SLC35D4: variants seen among roughly 807,000 people sequenced by gnomAD.
SLC35D4 encodes UDP-N-acetylglucosamine transporter SLC35D4.
chr18:23,403,890 C>T, the SLC35D4 span, among the ~76,000 whole-genome samples: 5 of 152,234 alleles, frequency 3.3e-5, no homozygotes, highest in South Asian at 4.1e-4. Context: ...ATATACAAGG[C>T]GGGCAGATCA....
chr18:23,335,785 C>T, the SLC35D4 span, among the ~76,000 whole-genome samples: 1 of 152,094 alleles, frequency 6.6e-6, no homozygotes, highest in Non-Finnish European at 1.5e-5. Flanking sequence ...TAGAGGAGGC[C>T]GTGCAAATAT....
chr18:23,331,749 A>G, the SLC35D4 span, among the ~76,000 whole-genome samples: 44 of 152,096 alleles, frequency 2.9e-4, no homozygotes, highest in African/African-American at 9.6e-4. Flanking sequence ...ACTCATCCCG[A>G]ATCCCCTCTG....
the SLC35D4 span, among the ~76,000 whole-genome samples, chr18:23,358,954 C>A: frequency 3.1e-4 from 47 of 152,146 alleles, no homozygotes; most frequent in Non-Finnish European, 1.0e-4. Flanking sequence ...GCTATAAATA[C>A]CCCCGGAAGA....
At chr18:23,408,588 A>G in the SLC35D4 span, among the ~76,000 whole-genome samples, 1 of 152,226 alleles carries the variant, frequency 6.6e-6, no homozygotes, top group Non-Finnish European at 1.5e-5. Context: ...AGGGATAAGA[A>G]CAAAAAATGC....
the SLC35D4 span, among the ~76,000 whole-genome samples, chr18:23,384,808 T>C: frequency 6.6e-6 from 1 of 152,222 alleles, no homozygotes; most frequent in Admixed American, 6.5e-5. Flanking sequence ...TTCCCACATA[T>C]GTCTGGTGAA....
chr18:23,290,108 A>T, the SLC35D4 span, among the ~76,000 whole-genome samples: 1 of 152,232 alleles, frequency 6.6e-6, no homozygotes, highest in Non-Finnish European at 1.5e-5. Context: ...GCGTGGGTGA[A>T]GCACAGCAGG....
At chr18:23,307,964 C>T in the SLC35D4 span, among the ~76,000 whole-genome samples, 2 of 146,062 alleles carry the variant, frequency 1.4e-5, no homozygotes, top group Non-Finnish European at 2.9e-5. Context: ...CTGAACACCA[C>T]CCCACACCCA....
At chr18:23,274,641 G>A in the SLC35D4 span, among the ~76,000 whole-genome samples, 1 of 152,276 alleles carries the variant, frequency 6.6e-6, no homozygotes, top group Non-Finnish European at 1.5e-5. Flanking sequence ...TAGTCTCTGA[G>A]CCCCCTGGAG....
At chr18:23,254,008 G>T in the SLC35D4 span, 1 of 1,305,726 alleles carries the variant, frequency 7.7e-7, no homozygotes, top group South Asian at 1.2e-5. Context: ...AGAAGGATTC[G>T]GTCAGTGACC....
the SLC35D4 span, among the ~76,000 whole-genome samples, chr18:23,239,989 G>C: frequency 6.6e-6 from 1 of 152,122 alleles, no homozygotes; most frequent in East Asian, 1.9e-4. Context: ...GTGGTGTTGC[G>C]CGCCTGTAGT....
At chr18:23,420,900 C>A in the SLC35D4 span, among the ~76,000 whole-genome samples, 1 of 151,960 alleles carries the variant, frequency 6.6e-6, no homozygotes, top group Non-Finnish European at 1.5e-5. Context: ...AAAATAAAAT[C>A]ACTAAACCTC....
chr18:23,385,099 T>A, the SLC35D4 span: 1 of 1,591,266 alleles, frequency 6.3e-7, no homozygotes, highest in South Asian at 1.1e-5. Flanking sequence ...AACATGAAAA[T>A]ATTTTCTTCG....
the SLC35D4 span, among the ~76,000 whole-genome samples, chr18:23,411,317 A>G: frequency 7.2e-6 from 1 of 139,436 alleles, no homozygotes; most frequent in Non-Finnish European, 1.6e-5. Flanking sequence ...GGGAAGGGAA[A>G]GGGAAGAGAA....
At chr18:23,404,956 T>A in the SLC35D4 span, among the ~76,000 whole-genome samples, 1 of 117,468 alleles carries the variant, frequency 8.5e-6, no homozygotes, top group Non-Finnish European at 1.6e-5. Flanking sequence ...ACTGCTCTCC[T>A]CTCCAGCCTG....
the SLC35D4 span, among the ~76,000 whole-genome samples, chr18:23,315,656 A>G: frequency 6.6e-6 from 1 of 152,236 alleles, no homozygotes; most frequent in Non-Finnish European, 1.5e-5. Context: ...ACTGGAACCA[A>G]GGACTTGAGA....
At chr18:23,253,966 G>C in the SLC35D4 span, 2 of 1,589,972 alleles carry the variant, frequency 1.3e-6, no homozygotes, top group Non-Finnish European at 1.7e-6. Flanking sequence ...GTGGCTGGAG[G>C]AGCACATGCT....
At chr18:23,303,237 G>A in the SLC35D4 span, among the ~76,000 whole-genome samples, 1 of 152,218 alleles carries the variant, frequency 6.6e-6, no homozygotes, top group African/African-American at 2.4e-5. Flanking sequence ...CTTTGTGGTT[G>A]GAAAATTCCT....
the SLC35D4 span, among the ~76,000 whole-genome samples, chr18:23,347,640 G>T: frequency 2.0e-5 from 3 of 152,176 alleles, no homozygotes; most frequent in South Asian, 4.2e-4. Context: ...ACCCAGGCTG[G>T]TCCTGAATTC....
At chr18:23,320,793 C>T in the SLC35D4 span, among the ~76,000 whole-genome samples, 2 of 152,232 alleles carry the variant, frequency 1.3e-5, no homozygotes, top group Non-Finnish European at 2.9e-5. Flanking sequence ...CACAAAAGGT[C>T]TGCCTTTCAG....
Sources: gnomAD v4.1 joint callset for allele counts (sites outside exome capture counted in the v4.1 genomes callset) on GRCh38, gnomAD v4.1.1 for gene constraint, MANE v1.5 for transcripts, NCBI Gene and HGNC (gene_info 2026-07-23, HGNC 2026-07-21) for gene names.